The following MGST1 variants were observed in gnomAD, a reference collection of about 807,000 sequenced individuals.
MGST1 encodes the protein glutathione S-transferase 12.
In MGST1, 5 loss-of-function variants were observed where a neutral mutation model predicts 8.9. The observed-to-expected ratio is 0.56, with a 90% CI of 0.29 to 1.19. The LOEUF (loss-of-function observed/expected upper bound fraction) is 1.19, where lower values mean the gene tolerates loss of function less well. Ranked by LOEUF, MGST1 falls within the 50% of genes most tolerant of loss-of-function variation. The pLI, the probability that MGST1 is intolerant of heterozygous loss-of-function variation, is 0.08. For synonymous variants in MGST1, 54 were observed against 67.8 expected (o/e 0.80, Z 1.00); for missense variants, 182 against 187.4 (o/e 0.97, Z 0.17).
intron 2 of MGST1, chr12:16,354,856 A>G (rs957100559): frequency 1.3e-5 from 2 of 152,258 alleles, no homozygotes; most frequent in African/African-American, 2.4e-5. Flanking sequence ...AGCCTCATAT[A>G]TGAGCCTTTT....
At chr12:16,353,672 T>C (rs1024783037) in intron 1 of MGST1, among the ~76,000 whole-genome samples, 8 of 152,266 alleles carry the variant, frequency 5.3e-5, no homozygotes, top group African/African-American at 1.9e-4. Context: ...TTTTTGCTTA[T>C]ACTGCACCCT....
chr12:16,435,323 T>G (rs1940975277), intron 1 of MGST1, among the ~76,000 whole-genome samples: 1 of 151,968 alleles, frequency 6.6e-6, no homozygotes, highest in Non-Finnish European at 1.5e-5. Context: ...TTTCCTAGAT[T>G]TCTACTTATA....
rs147145107 is a variant in MGST1, at chr12:16,426,106, G to A, written n.779-11282G>A. 2.0e-4 allele frequency among the ~76,000 whole-genome samples: 31 copies of A among 152,068 alleles called. No individual in the cohort carries two copies. In the East Asian group the frequency reaches 5.4e-3, roughly 27 times the overall value. ...AGATTTGGCTTTCTAAAGGGATATCGGATCACTTTATACCCTGCTCAACAA... is the reference window on the plus strand; with the variant it reads ...AGATTTGGCTTTCTAAAGGGATATCAGATCACTTTATACCCTGCTCAACAA... On this transcript the variant is annotated intron_variant and non_coding_transcript_variant, in intron 1 of 1. Coordinates refer to the MGST1 transcript ENST00000359720.
chr12:16,504,991 C>G (rs772488987), intron 4 of MGST1, among the ~76,000 whole-genome samples: 2 of 152,138 alleles, frequency 1.3e-5, no homozygotes, highest in Non-Finnish European at 2.9e-5. Flanking sequence ...AGGCCTACAT[C>G]GTATGGATTT....
intron 4 of MGST1, among the ~76,000 whole-genome samples, chr12:16,445,079 G>A (rs565926166): frequency 3.2e-4 from 49 of 151,646 alleles, no homozygotes; most frequent in African/African-American, 1.1e-3. Context: ...GTAGAAAACC[G>A]CAGGGATTTT....
At chr12:16,492,889 A>G (rs1941448572) in intron 4 of MGST1, among the ~76,000 whole-genome samples, 1 of 152,142 alleles carries the variant, frequency 6.6e-6, no homozygotes, top group South Asian at 2.1e-4. Context: ...AAGCTACTCT[A>G]AAAGAGAGAA....
chr12:16,378,280 G>T (rs1322457578), downstream of MGST1, among the ~76,000 whole-genome samples: 1 of 152,064 alleles, frequency 6.6e-6, no homozygotes, highest in Non-Finnish European at 1.5e-5. Flanking sequence ...ATGGTTTTAG[G>T]TCTAACATGT....
intron 4 of MGST1, among the ~76,000 whole-genome samples, chr12:16,474,261 C>T (rs946658675): frequency 6.6e-6 from 1 of 152,034 alleles, no homozygotes; most frequent in Non-Finnish European, 1.5e-5. Flanking sequence ...AAAAATGTCA[C>T]GAAATTGACA....
At chr12:16,399,090 G>A (rs1940630246) in intron 1 of MGST1, among the ~76,000 whole-genome samples, 1 of 152,114 alleles carries the variant, frequency 6.6e-6, no homozygotes, top group South Asian at 2.1e-4. Flanking sequence ...GGGGCCATTG[G>A]CACGTGTCCT....
chr12:16,523,276 T>C (rs1941660382), intron 4 of MGST1, among the ~76,000 whole-genome samples: 1 of 152,138 alleles, frequency 6.6e-6, no homozygotes. Context: ...TGATCCTTGC[T>C]CTGCTAACTA....
chr12:16,593,243 C>T (rs1943548256), downstream of MGST1, among the ~76,000 whole-genome samples: 1 of 151,830 alleles, frequency 6.6e-6, no homozygotes, highest in South Asian at 2.1e-4. This position sits in a 1 kb window ranked among gnomAD's most constrained non-coding sequence, Gnocchi z 4.2. Flanking sequence ...GTGTGCTCTT[C>T]TGCAAATACT....
intron 1 of MGST1, among the ~76,000 whole-genome samples, chr12:16,385,870 A>G (rs954617357): frequency 2.0e-4 from 31 of 152,150 alleles, no homozygotes; most frequent in African/African-American, 6.3e-4. Context: ...CGTCTTTTCT[A>G]CCTCTTAAGA....
At chr12:16,567,221 CAAA>C (rs1942649355) in intron 4 of MGST1, among the ~76,000 whole-genome samples, 1 of 151,810 alleles carries the variant, frequency 6.6e-6, no homozygotes, top group African/African-American at 2.4e-5. Flanking sequence ...AACAAACAAA[CAAA>C]CAAAAAACTA....
chr12:16,484,796 G>C (rs1941388366), intron 4 of MGST1, among the ~76,000 whole-genome samples: 1 of 152,292 alleles, frequency 6.6e-6, no homozygotes, highest in Non-Finnish European at 1.5e-5. Flanking sequence ...ATTACAATGT[G>C]ACATGAGATT....
Position 16,503,488 on chromosome 12 carries a change from CTGCCTT to C in MGST1, n.483-86037_483-86032del, listed in dbSNP as rs1385084614. Among the ~76,000 whole-genome samples, 1 of 152,170 alleles carries C rather than the reference CTGCCTT, an allele frequency of 6.6e-6. No homozygotes were observed. The highest frequency in any genetic ancestry group is 1.5e-5 in the Non-Finnish European group (1 of 68,038). On this transcript the variant is annotated intron_variant and non_coding_transcript_variant, in intron 4 of 4. Coordinates refer to the MGST1 transcript ENST00000538857. This position sits in a 1 kb window ranked among gnomAD's most constrained non-coding sequence, Gnocchi z 4.8. Reference sequence around the variant, plus strand: ...TTCTGTTGTCTTTCTTTCCCTTTAACTGCCTTTGTTATTAGGATGAAGGATAAAGGA... The same window carrying C: ...TTCTGTTGTCTTTCTTTCCCTTTAACTGTTATTAGGATGAAGGATAAAGGA...
chr12:16,441,748 C>T (rs1383203383), downstream of MGST1, among the ~76,000 whole-genome samples: 1 of 151,770 alleles, frequency 6.6e-6, no homozygotes, highest in African/African-American at 2.4e-5. Context: ...TACTGAAGAA[C>T]ATTTTGGTTG....
At chr12:16,551,406 T>G (rs1056898869) in intron 4 of MGST1, 1 of 873,374 alleles carries the variant, frequency 1.1e-6, no homozygotes, top group Non-Finnish European at 1.9e-6. Flanking sequence ...ATTTTCCTAT[T>G]AATAGTTTCG....
chr12:16,512,496 C>T (rs553623897), intron 4 of MGST1, among the ~76,000 whole-genome samples: 1 of 152,182 alleles, frequency 6.6e-6, no homozygotes, highest in South Asian at 2.1e-4. Context: ...ATACCTATTA[C>T]CAATAAAACA....
intron 1 of MGST1, among the ~76,000 whole-genome samples, chr12:16,405,917 A>T (rs185539077): frequency 2.3e-4 from 35 of 152,360 alleles, no homozygotes; most frequent in Non-Finnish European, 4.6e-4. Flanking sequence ...CTTCAAAATA[A>T]TAAGAGTCAT....
Sources: allele counts gnomAD v4.1 joint callset (sites outside exome capture counted in the v4.1 genomes callset), GRCh38; gene constraint gnomAD v4.1.1; non-coding constraint Gnocchi (gnomAD v3.1); transcripts MANE v1.5; gene names NCBI Gene and HGNC (gene_info 2026-07-23, HGNC 2026-07-21).